The following DBF4 variants were observed in gnomAD, a reference collection of about 807,000 sequenced individuals.
DBF4 encodes protein DBF4 homolog A.
DBF4 carries 25 observed loss-of-function variants against 76.6 expected under a neutral mutation model. That is an observed-to-expected ratio of 0.33 (90% CI 0.24 to 0.46). The LOEUF (loss-of-function observed/expected upper bound fraction) is 0.46, where lower values mean the gene tolerates loss of function less well. DBF4 is among the 20% of genes least tolerant of loss of function. The probability of loss-of-function intolerance (pLI) is 1.00; values close to 1 mark genes in which losing one functional copy is unlikely to be tolerated. For synonymous variants in DBF4, 213 were observed against 258.0 expected (o/e 0.83, Z 1.67); for missense variants, 638 against 760.8 (o/e 0.84, Z 1.90).
chr7:87,882,225 T>C (rs952832076), intron 2 of DBF4, among the ~76,000 whole-genome samples: 8 of 152,128 alleles, frequency 5.3e-5, no homozygotes, highest in Admixed American at 6.5e-5. Flanking sequence ...AGACCATTCA[T>C]TGGGGAAAAG....
chr7:87,879,005 C>G (rs975221903), intron 2 of DBF4, among the ~76,000 whole-genome samples: 8 of 152,102 alleles, frequency 5.3e-5, no homozygotes, highest in Non-Finnish European at 7.4e-5. Flanking sequence ...TGCAGTGGTG[C>G]GATCTCAGCT....
chr7:87,902,849 T>G (rs1839821747), intron 10 of DBF4, among the ~76,000 whole-genome samples: 1 of 152,212 alleles, frequency 6.6e-6, no homozygotes, highest in South Asian at 2.1e-4. Context: ...TTTAGAAATG[T>G]AATAAAATCA....
At chr7:87,895,933 T>G (rs961055479) in intron 6 of DBF4, among the ~76,000 whole-genome samples, 2 of 152,104 alleles carry the variant, frequency 1.3e-5, no homozygotes, top group Non-Finnish European at 2.9e-5. Flanking sequence ...AAGATAGGAG[T>G]TTTAGCTGCT....
rs149073266 is a variant in DBF4, at chr7:87,907,353, T to G, written c.1215T>G (p.Thr405=). ...TCCTGTATAAAGAGACCCAGGAAAC[T>G]GAAAAAAAGCTCCTGTTTATTTCAG... is the stretch of plus-strand genomic sequence containing the variant. ...QNFLYKETQE[T]EKKLLFISEP... is the part of the protein sequence containing the mutation. Residue 405 remains threonine, a synonymous_variant, in exon 12 of 12, where the codon ACT becomes ACG. Transcript: ENST00000265728. The G allele has an allele frequency of 2.0e-4, 324 of 1,613,934 alleles. No individual in the cohort carries two copies. The African/African-American group carries it at 3.9e-3, about 19-fold the overall frequency.
intron 2 of DBF4, among the ~76,000 whole-genome samples, chr7:87,883,344 T>A (rs903216633): frequency 2.6e-5 from 4 of 152,160 alleles, no homozygotes; most frequent in African/African-American, 9.6e-5. Flanking sequence ...TATAGAAATG[T>A]TTTAGTAGTG....
intron 1 of DBF4, among the ~76,000 whole-genome samples, chr7:87,877,217 G>A (rs772006244): frequency 1.1e-4 from 16 of 152,206 alleles, no homozygotes; most frequent in Non-Finnish European, 1.5e-4. Flanking sequence ...TGGATTTTTG[G>A]TCTTACCCTT....
rs1349768305 is a variant in DBF4 at position 87,897,379 on chromosome 7, A to G, written c.680+40A>G. The G allele has an allele frequency of 2.5e-6, 4 of 1,581,236 alleles. No homozygotes were observed. In the Admixed American group the frequency reaches 7.0e-5, roughly 28 times the overall value. On this transcript the variant is annotated intron_variant, in intron 8 of 11. Coordinates refer to ENST00000265728, the MANE Select transcript of DBF4 (RefSeq NM_006716.4). ...CCAATCTGTATGATTTAAGTGCAAT[A>G]CTAAAGAGGAAAATCACCTAACTAA...
chr7:87,901,701 T>C (rs965585470), intron 10 of DBF4, among the ~76,000 whole-genome samples: 3 of 152,226 alleles, frequency 2.0e-5, no homozygotes, highest in Admixed American at 2.0e-4. Context: ...GCAAGAGCTA[T>C]GGATTCAGGC....
Position 87,887,394 on chromosome 7 carries a change from T to C in DBF4, c.516T>C (p.Ile172=). ...CATGGGGAGTAAAAATTCTTCATAT[T>C]GATGGTAAGGATTTTATAATTGTTT... ...ALSWGVKILH[I]DDIRYYIEQK... Residue 172 remains isoleucine, a synonymous_variant, in exon 5 of 12, where the codon ATT becomes ATC. Transcript: ENST00000265728. 6.4e-7 allele frequency: 1 copy of C among 1,570,894 alleles called. No homozygotes were observed. Among genetic ancestry groups the C allele is most frequent in the South Asian group, 1.1e-5 (1 of 88,608 alleles).
chr7:87,888,372 A>T (rs1468727821), intron 6 of DBF4: 3 of 924,604 alleles, frequency 3.2e-6, no homozygotes, highest in Non-Finnish European at 3.9e-6. Flanking sequence ...TCCTAATGTA[A>T]GTAATGTACT....
chr7:87,886,028 T>C (rs10249603), intron 3 of DBF4, among the ~76,000 whole-genome samples: 7,363 of 151,742 alleles, frequency 0.049, 260 homozygotes, highest in East Asian at 0.094. Context: ...TTAAGGAAAA[T>C]GAGGAGAAAA....
chr7:87,896,505 CAAG>C lies in DBF4; in HGVS notation c.633_634+1del, dbSNP rs761348589. ...AGAGTTGGTAGTGGTGCACAAAAAA[CAAG>C]AAGTAAGTATTTTGTGATCTTTAAG... On this transcript the variant is annotated inframe_deletion and splice_region_variant, in exon 7 of 12. Coordinates refer to ENST00000265728, the MANE Select transcript of DBF4 (RefSeq NM_006716.4). 3.1e-6 allele frequency: 5 copies of C among 1,610,744 alleles called. No individual in the cohort carries two copies. The highest frequency in any genetic ancestry group is 4.2e-6 in the Non-Finnish European group (5 of 1,178,464).
At chr7:87,899,922 GTCA>G (rs1839730663) in intron 8 of DBF4, among the ~76,000 whole-genome samples, 1 of 152,054 alleles carries the variant, frequency 6.6e-6, no homozygotes, top group African/African-American at 2.4e-5. Flanking sequence ...ATGAAAATAC[GTCA>G]TCTTACAAAA....
intron 2 of DBF4, among the ~76,000 whole-genome samples, chr7:87,883,398 A>C (rs1321851659): frequency 1.3e-5 from 2 of 152,196 alleles, no homozygotes; most frequent in African/African-American, 4.8e-5. Flanking sequence ...TAAATTGTAC[A>C]CTTAAAAATG....
chr7:87,902,174 TAA>T (rs1477395453), intron 10 of DBF4, among the ~76,000 whole-genome samples: 3 of 152,150 alleles, frequency 2.0e-5, no homozygotes, highest in African/African-American at 7.2e-5. Flanking sequence ...ATGTCGAGGC[TAA>T]AAAATGAAAA....
intron 10 of DBF4, among the ~76,000 whole-genome samples, chr7:87,903,637 T>C (rs1277564379): frequency 6.6e-6 from 1 of 151,896 alleles, no homozygotes; most frequent in Admixed American, 6.6e-5. Context: ...GACAAAGTAA[T>C]AGAGGGAAAT....
At chr7:87,883,460 G>T (rs1839267854) in intron 2 of DBF4, among the ~76,000 whole-genome samples, 1 of 152,054 alleles carries the variant, frequency 6.6e-6, no homozygotes, top group African/African-American at 2.4e-5. Flanking sequence ...TAGGAGATCG[G>T]GTTTCTTATG....
At chr7:87,905,204 G>A (rs1396552015) in intron 11 of DBF4, among the ~76,000 whole-genome samples, 1 of 152,210 alleles carries the variant, frequency 6.6e-6, no homozygotes, top group African/African-American at 2.4e-5. Flanking sequence ...TAGGTTTTGT[G>A]AGCCGTAAGA....
rs894157279 is a variant in DBF4 at position 87,888,244 on chromosome 7, T to G, written c.597+185T>G. On this transcript the variant is annotated intron_variant, in intron 6 of 11. Transcript: ENST00000265728. ...GGTTGTACTCACCAGGTAAAAGTTG[T>G]TCCTGGAATAGTGGCATAGGTCGCT... 2.0e-5 allele frequency: 19 copies of G among 968,778 alleles called. No individual in the cohort carries two copies. In the African/African-American group the frequency reaches 2.8e-4, roughly 14 times the overall value. The allele number at this position is 968,778 out of a possible 1,614,324, so 60.0% of individuals were successfully genotyped here. A position where few individuals can be genotyped will look rare whatever the true frequency, so the allele number is the denominator to read the frequency against.
Sources: gnomAD v4.1 joint callset for allele counts (sites outside exome capture counted in the v4.1 genomes callset) on GRCh38, gnomAD v4.1.1 for gene constraint, MANE v1.5 for transcripts, NCBI Gene and HGNC (gene_info 2026-07-23, HGNC 2026-07-21) for gene names.